CACHD1: variants seen among roughly 807,000 people sequenced by gnomAD.
CACHD1 encodes the protein cache domain containing 1.
A neutral mutation model predicts 138.7 loss-of-function variants in CACHD1; 71 were observed. That is an observed-to-expected ratio of 0.51 (90% CI 0.42 to 0.62). The LOEUF (loss-of-function observed/expected upper bound fraction) is 0.62, where lower values mean the gene tolerates loss of function less well. Ranked by LOEUF, CACHD1 falls within the 20% of genes least tolerant of loss-of-function variation. The pLI is 0.00. For synonymous variants in CACHD1, 578 were observed against 591.5 expected, an observed-to-expected ratio of 0.98 and a Z score of 0.33; for missense variants, 1,389 against 1,625.3, an observed-to-expected ratio of 0.85 and a Z score of 2.50.
chr1:64,689,421 C>T (rs1007947906), intron 26 of CACHD1, among the ~76,000 whole-genome samples: 5 of 152,172 alleles, frequency 3.3e-5, no homozygotes, highest in Non-Finnish European at 4.4e-5. Flanking sequence ...ATTTCTCTTG[C>T]CTCCACCACT....
chr1:64,684,191 C>G (rs1650279127), intron 26 of CACHD1, among the ~76,000 whole-genome samples: 1 of 152,148 alleles, frequency 6.6e-6, no homozygotes, highest in Admixed American at 6.5e-5. Context: ...CGGAGTCTCG[C>G]TCTTGTCACC....
At chr1:64,508,881 G>C (rs1010578358) in intron 1 of CACHD1, among the ~76,000 whole-genome samples, 9 of 152,068 alleles carry the variant, frequency 5.9e-5, no homozygotes, top group African/African-American at 1.7e-4. Flanking sequence ...CCTTGAAAAA[G>C]GCCCAGGGCT....
chr1:64,591,696 C>G (rs1647107946), intron 3 of CACHD1, among the ~76,000 whole-genome samples: 1 of 152,122 alleles, frequency 6.6e-6, no homozygotes, highest in African/African-American at 2.4e-5. Flanking sequence ...CTAGAAGTAA[C>G]TAGAACCTGA....
chr1:64,580,640 C>T (rs1392549304), intron 2 of CACHD1, among the ~76,000 whole-genome samples: 1 of 152,074 alleles, frequency 6.6e-6, no homozygotes, highest in Non-Finnish European at 1.5e-5. Flanking sequence ...TTTCCAACAC[C>T]TGTTAAAAAA....
chr1:64,585,172 T>C (rs1010348886), intron 3 of CACHD1, among the ~76,000 whole-genome samples: 1 of 152,192 alleles, frequency 6.6e-6, no homozygotes, highest in African/African-American at 2.4e-5. Context: ...CTGTTGAAGC[T>C]GACTTGTGAG....
At chr1:64,614,273 T>G (rs1466906266) in intron 4 of CACHD1, among the ~76,000 whole-genome samples, 3 of 152,192 alleles carry the variant, frequency 2.0e-5, no homozygotes, top group Non-Finnish European at 4.4e-5. Flanking sequence ...TCTAGACACC[T>G]GGCTGGACAT....
intron 2 of CACHD1, among the ~76,000 whole-genome samples, chr1:64,574,191 A>AG (rs1051916215): frequency 5.9e-5 from 9 of 151,990 alleles, no homozygotes; most frequent in Non-Finnish European, 1.0e-4. Context: ...TTAGAAGAAA[A>AG]GGTCTTTTTG....
At chr1:64,671,480 C>A in intron 16 of CACHD1, 84 bp from the exon 17 acceptor site, 1 of 1,456,914 alleles carries the variant, frequency 6.9e-7, no homozygotes, top group South Asian at 1.2e-5. Context: ...TTTCTAATAC[C>A]AAACAATGTC....
At chr1:64,556,250 T>C (rs1033189807) in intron 2 of CACHD1, among the ~76,000 whole-genome samples, 26 of 152,336 alleles carry the variant, frequency 1.7e-4, no homozygotes, top group African/African-American at 6.3e-4. Context: ...TTCACCAGTT[T>C]CCCCACTTCT....
At chr1:64,527,432 G>A (rs1218311700) in intron 1 of CACHD1, among the ~76,000 whole-genome samples, 1 of 152,114 alleles carries the variant, frequency 6.6e-6, no homozygotes, top group African/African-American at 2.4e-5. Flanking sequence ...GCGTTTCTTC[G>A]GGGAGTCTTG....
In CACHD1 at chr1:64,525,525, T is replaced by G. The variant is rs138638849; in HGVS notation, c.199-25069T>G. On this transcript the variant is annotated intron_variant, in intron 1 of 26. Transcript: ENST00000651257. ...CTGGCTTCTTTCCTCCCACACTGTATTACTGATGATCAAATACAGTAACCT... is the reference window on the plus strand; with the variant it reads ...CTGGCTTCTTTCCTCCCACACTGTAGTACTGATGATCAAATACAGTAACCT... Among the ~76,000 whole-genome samples the G allele has an allele frequency of 7.2e-5, 11 of 152,306 alleles. No individual in the cohort carries two copies. The East Asian group carries it at 2.1e-3, about 29-fold the overall frequency.
At chr1:64,619,530 T>C (rs1235869177) in intron 4 of CACHD1, among the ~76,000 whole-genome samples, 1 of 152,174 alleles carries the variant, frequency 6.6e-6, no homozygotes, top group Non-Finnish European at 1.5e-5. Context: ...TTTTATAGTA[T>C]GGAGATCAAA....
chr1:64,619,084 G>A (rs1647817193), intron 4 of CACHD1, among the ~76,000 whole-genome samples: 1 of 152,180 alleles, frequency 6.6e-6, no homozygotes, highest in Admixed American at 6.5e-5. Context: ...GGGCAGGCAA[G>A]GAGTTTGGGG....
intron 1 of CACHD1, among the ~76,000 whole-genome samples, chr1:64,525,925 A>G (rs890236150): frequency 3.3e-5 from 5 of 152,234 alleles, no homozygotes; most frequent in Non-Finnish European, 7.3e-5. Context: ...CTTACTTTAA[A>G]AATTATTATT....
chr1:64,525,365 A>G (rs1361983877), intron 1 of CACHD1, among the ~76,000 whole-genome samples: 4 of 152,306 alleles, frequency 2.6e-5, no homozygotes, highest in South Asian at 2.1e-4. Context: ...TGTCAACTTG[A>G]TATTTACCCG....
At chr1:64,548,991 G>A (rs1646739015) in intron 1 of CACHD1, among the ~76,000 whole-genome samples, 1 of 152,130 alleles carries the variant, frequency 6.6e-6, no homozygotes, top group South Asian at 2.1e-4. Context: ...TATTGCCTGG[G>A]TTCAGATTCC....
intron 26 of CACHD1, among the ~76,000 whole-genome samples, chr1:64,687,564 T>C (rs574938239): frequency 9.5e-4 from 144 of 152,176 alleles, no homozygotes; most frequent in African/African-American, 3.3e-3. Context: ...TGAGTTGCCT[T>C]GGAGACAGCT....
chr1:64,671,582 G>GC lies in CACHD1; in HGVS notation c.2407dup (p.His803ProfsTer9). 1.2e-6 allele frequency: 2 copies of GC among 1,613,984 alleles called. No homozygotes were observed. Among genetic ancestry groups the GC allele is most frequent in the Non-Finnish European group, 1.7e-6 (2 of 1,179,898 alleles). On this transcript the variant is annotated frameshift_variant, in exon 17 of 27. Coordinates refer to ENST00000651257, the MANE Select transcript of CACHD1 (RefSeq NM_020925.4). LOFTEE classifies it high-confidence loss of function. ...CTTAAAGTACACAGCTGTCTTCTGGGCACACTGTGGCTGTGATGGGCATTG... is the reference window on the plus strand; with the variant it reads ...CTTAAAGTACACAGCTGTCTTCTGGGCCACACTGTGGCTGTGATGGGCATTG...
intron 1 of CACHD1, among the ~76,000 whole-genome samples, chr1:64,497,376 G>A (rs917402486): frequency 5.3e-5 from 8 of 152,154 alleles, no homozygotes; most frequent in Non-Finnish European, 1.0e-4. Context: ...TGGGCTGGGG[G>A]AAATAAAGAC....
Sources: allele counts gnomAD v4.1 joint callset (sites outside exome capture counted in the v4.1 genomes callset), GRCh38; gene constraint gnomAD v4.1.1; transcripts MANE v1.5; gene names NCBI Gene and HGNC (gene_info 2026-07-23, HGNC 2026-07-21).